Variants in TMEM200A observed in about 807,000 individuals in gnomAD.
TMEM200A encodes the protein two transmembrane C.
TMEM200A carries 12 observed loss-of-function variants against 24.3 expected under a neutral mutation model. That is an observed-to-expected ratio of 0.49 (90% confidence interval 0.32 to 0.80). The LOEUF (loss-of-function observed/expected upper bound fraction) is 0.80. Among genes scored for constraint, TMEM200A ranks in the 30% least tolerant of loss-of-function variants. TMEM200A has a pLI of 0.04. For synonymous variants in TMEM200A, 224 were observed against 224.4 expected (o/e 1.00, Z 0.02); for missense variants, 545 against 614.4 (o/e 0.89, Z 1.19).
At chr6:130,378,850 C>T (rs1415677749) in intron 1 of TMEM200A, among the ~76,000 whole-genome samples, 1 of 151,756 alleles carries the variant, frequency 6.6e-6, no homozygotes, top group African/African-American at 2.4e-5. Flanking sequence ...ATATCACAGA[C>T]AGGGTAATTC....
chr6:130,429,161 A>G (rs528719092), intron 2 of TMEM200A, among the ~76,000 whole-genome samples: 3 of 152,336 alleles, frequency 2.0e-5, no homozygotes, highest in Admixed American at 2.0e-4. Context: ...TGGATTTAAA[A>G]AAATCAAATT....
chr6:130,412,122 C>T (rs1175403171), intron 2 of TMEM200A, among the ~76,000 whole-genome samples: 4 of 144,414 alleles, frequency 2.8e-5, no homozygotes, highest in East Asian at 2.0e-4. Flanking sequence ...TGGCACTAAT[C>T]GTTGTGAGCT....
At chr6:130,414,342 G>A (rs1327847860) in intron 2 of TMEM200A, among the ~76,000 whole-genome samples, 7 of 146,888 alleles carry the variant, frequency 4.8e-5, no homozygotes, top group African/African-American at 1.8e-4. Flanking sequence ...CGAGGCAGGA[G>A]AATCACTTGA....
chr6:130,382,352 T>G (rs907114275), intron 1 of TMEM200A, among the ~76,000 whole-genome samples: 3 of 152,222 alleles, frequency 2.0e-5, no homozygotes, highest in African/African-American at 7.2e-5. Context: ...ACACTTGCCC[T>G]GTGCACATGC....
At chr6:130,413,477 G>A (rs553599875) in intron 2 of TMEM200A, among the ~76,000 whole-genome samples, 2 of 151,978 alleles carry the variant, frequency 1.3e-5, no homozygotes, top group East Asian at 1.9e-4. Flanking sequence ...TTCTTCCTAC[G>A]CTCAGTCTTC....
At chr6:130,387,102 A>G (rs538740388) in intron 2 of TMEM200A, among the ~76,000 whole-genome samples, 2 of 152,302 alleles carry the variant, frequency 1.3e-5, no homozygotes, top group South Asian at 4.1e-4. Context: ...TTTTGTGACA[A>G]TATGTGTTTC....
intron 1 of TMEM200A, among the ~76,000 whole-genome samples, chr6:130,377,441 A>T (rs1004003117): frequency 1.3e-5 from 2 of 152,132 alleles, no homozygotes; most frequent in African/African-American, 2.4e-5. Context: ...CCAGAATCTC[A>T]TCTGTTTATT....
intron 2 of TMEM200A, among the ~76,000 whole-genome samples, chr6:130,404,645 T>C (rs1386437025): frequency 1.3e-5 from 2 of 152,226 alleles, no homozygotes; most frequent in Non-Finnish European, 2.9e-5. Context: ...GATGATAGTT[T>C]CTTCTGCTGT....
intron 2 of TMEM200A, among the ~76,000 whole-genome samples, chr6:130,424,960 G>A (rs1303645695): frequency 6.6e-6 from 1 of 152,064 alleles, no homozygotes; most frequent in East Asian, 1.9e-4. Context: ...TTTGAAAACA[G>A]CTTGAAGGTC....
Position 130,441,598 on chromosome 6 carries a change from G to A in TMEM200A, c.1176G>A (p.Ser392=), listed in dbSNP as rs141571184. The change falls in exon 3 of 3, where the codon TCG becomes TCA. Residue 392 remains serine, a synonymous_variant. Coordinates refer to ENST00000296978, the MANE Select transcript of TMEM200A (RefSeq NM_001258277.2). Reference sequence around the variant, plus strand: ...CCAATACATCCTTGCATTTGCTCTCGTCACACTCAAAGTCCTTGGACTTAG... The same window carrying A: ...CCAATACATCCTTGCATTTGCTCTCATCACACTCAAAGTCCTTGGACTTAG... ...FGSNTSLHLL[S]SHSKSLDLDR... 9 of 1,613,934 alleles carry A rather than the reference G, an allele frequency of 5.6e-6. No homozygotes were observed. Among genetic ancestry groups the A allele is most frequent in the South Asian group, 4.4e-5 (4 of 91,064 alleles).
At chr6:130,371,309 A>G (rs1402398443) in intron 1 of TMEM200A, among the ~76,000 whole-genome samples, 1 of 152,194 alleles carries the variant, frequency 6.6e-6, no homozygotes, top group African/African-American at 2.4e-5. Context: ...TGGTAGGTTC[A>G]TGTTGCATAC....
intron 2 of TMEM200A, among the ~76,000 whole-genome samples, chr6:130,427,131 T>C (rs1779763342): frequency 6.6e-6 from 1 of 152,222 alleles, no homozygotes; most frequent in African/African-American, 2.4e-5. Context: ...TGGTTTGCCT[T>C]TTACTCTTAT....
At chr6:130,424,038 A>G (rs1248300016) in intron 2 of TMEM200A, among the ~76,000 whole-genome samples, 7 of 152,160 alleles carry the variant, frequency 4.6e-5, no homozygotes, top group African/African-American at 7.2e-5. Context: ...TTTAAATAAC[A>G]TATTTTTAAA....
At chr6:130,431,955 G>A (rs149023163) in intron 2 of TMEM200A, among the ~76,000 whole-genome samples, 1 of 152,022 alleles carries the variant, frequency 6.6e-6, no homozygotes, top group Non-Finnish European at 1.5e-5. Flanking sequence ...TAAACATTTT[G>A]TACTTCCTTT....
Position 130,441,562 on chromosome 6 carries a change from A to G in TMEM200A, c.1140A>G (p.Arg380=). 1 of 1,614,022 alleles carries G rather than the reference A, an allele frequency of 6.2e-7. No homozygotes were observed. Among genetic ancestry groups the G allele is most frequent in the South Asian group, 1.1e-5 (1 of 91,080 alleles). ...GQLLSPGAAR[R]QFGSNTSLHL... ...TCTTGTCTCCTGGGGCTGCCAGAAG[A>G]CAGTTTGGGTCCAATACATCCTTGC... Residue 380 remains arginine (R), a synonymous_variant, in exon 3 of 3, where the codon AGA becomes AGG. Coordinates refer to ENST00000296978, the MANE Select transcript of TMEM200A (RefSeq NM_001258277.2).
chr6:130,372,482 C>G (rs1340623416), intron 1 of TMEM200A, among the ~76,000 whole-genome samples: 3 of 152,092 alleles, frequency 2.0e-5, no homozygotes, highest in Non-Finnish European at 2.9e-5. Context: ...GGACCTCTGC[C>G]AGCTGCCATG....
At chr6:130,394,744 A>G (rs753192429) in intron 2 of TMEM200A, among the ~76,000 whole-genome samples, 3 of 152,202 alleles carry the variant, frequency 2.0e-5, no homozygotes, top group Admixed American at 1.3e-4. Context: ...GGCATGCATG[A>G]GATGTTAGAA....
At chr6:130,437,238 T>G (rs987388923) in intron 2 of TMEM200A, 1 of 152,444 alleles carries the variant, frequency 6.6e-6, no homozygotes, top group East Asian at 1.9e-4. Context: ...TTCCTATTCC[T>G]GGACTGCTTT....
Position 130,441,090 on chromosome 6 carries a change from A to G in TMEM200A, c.668A>G (p.Asp223Gly), listed in dbSNP as rs1423969567. ...FSGFRSSFRM[D>G]SSVEEDELML... ...GGTTTTCGGAGCAGTTTTCGAATGGACAGCTCCGTGGAGGAGGATGAACTT... is the reference window on the plus strand; with the variant it reads ...GGTTTTCGGAGCAGTTTTCGAATGGGCAGCTCCGTGGAGGAGGATGAACTT... The change falls in exon 3 of 3, where the codon GAC becomes GGC. Residue 223 changes from aspartate (D) to glycine (G), a missense_variant. Coordinates refer to ENST00000296978, the MANE Select transcript of TMEM200A (RefSeq NM_001258277.2). 6.2e-7 allele frequency: 1 copy of G among 1,614,016 alleles called. No individual in the cohort carries two copies. Among genetic ancestry groups the G allele is most frequent in the Non-Finnish European group, 8.5e-7 (1 of 1,179,998 alleles).
Sources: allele counts gnomAD v4.1 joint callset (sites outside exome capture counted in the v4.1 genomes callset), GRCh38; gene constraint gnomAD v4.1.1; transcripts MANE v1.5; gene names NCBI Gene and HGNC (gene_info 2026-07-23, HGNC 2026-07-21).